RYR3: variants seen among roughly 807,000 people sequenced by gnomAD.
RYR3 encodes the protein ryanodine receptor 3.
Under a neutral mutation model 584.3 loss-of-function variants are expected in RYR3, and 207 were observed. The ratio of observed to expected loss-of-function variants is 0.35; its 90% CI spans 0.32 to 0.40. The LOEUF is 0.40. RYR3 is among the 10% of genes least tolerant of loss of function. The pLI is 1.00. For synonymous variants in RYR3, 2,416 were observed against 2,248.5 expected, an observed-to-expected ratio of 1.07 and a Z score of -2.11; for missense variants, 5,616 against 6,089.2, an observed-to-expected ratio of 0.92 and a Z score of 2.59.
rs570408397 is a variant in RYR3 at position 33,860,953 on chromosome 15, G to A, written c.14365-125G>A. On this transcript the variant is annotated intron_variant, in intron 101 of 103. Transcript: ENST00000634891. ...CAATGTATGGCACTACTGAGTGAAT[G>A]ACTAATAGCCAAAAGCATTAGAAAG... 29 of 723,564 alleles carry A rather than the reference G, an allele frequency of 4.0e-5. No homozygotes were observed. The East Asian group carries it at 8.9e-4, about 22-fold the overall frequency. The allele number at this position is 723,564 out of a possible 1,614,324, so 44.8% of individuals were successfully genotyped here. A position where few individuals can be genotyped will look rare whatever the true frequency, so the allele number is the denominator to read the frequency against.
chr15:33,465,600 T>C, intron 1 of RYR3: 3 of 443,400 alleles, frequency 6.8e-6, no homozygotes, highest in South Asian at 5.3e-5. Context: ...TTAAGTAAGA[T>C]GGAAAGTGAT....
At chr15:33,826,641 C>T (rs1405782510) in intron 83 of RYR3, 31 bp from the exon 84 acceptor site, 2 of 1,563,064 alleles carry the variant, frequency 1.3e-6, no homozygotes, top group Non-Finnish European at 1.8e-6. Context: ...AGAAGCCAAA[C>T]CAATGCTCAT....
chr15:33,542,920 A>C lies in RYR3; in HGVS notation c.647-702A>C, dbSNP rs371071462. Among the ~76,000 whole-genome samples the C allele has an allele frequency of 3.7e-3, 570 of 152,240 alleles. 4 individuals are homozygous for C. Among genetic ancestry groups the C allele is most frequent in the African/African-American group, 0.013 (541 of 41,552 alleles). On this transcript the variant is annotated intron_variant, in intron 7 of 103. Coordinates refer to ENST00000634891, the MANE Select transcript of RYR3 (RefSeq NM_001036.6). ...GAATTAAGGTTCAGCATTTATTTGAAGACAAATGGGTCATCATGTCTTTGA... is the reference window on the plus strand; with the variant it reads ...GAATTAAGGTTCAGCATTTATTTGACGACAAATGGGTCATCATGTCTTTGA...
At chr15:33,604,173 C>A (rs545411961) in intron 18 of RYR3, among the ~76,000 whole-genome samples, 1 of 152,372 alleles carries the variant, frequency 6.6e-6, no homozygotes, top group Admixed American at 6.5e-5. Flanking sequence ...CTTACGTAAG[C>A]ATTGTGCCGT....
chr15:33,651,175 T>C lies in RYR3; in HGVS notation c.4143-1543T>C, dbSNP rs1219516176. On this transcript the variant is annotated intron_variant, in intron 31 of 103. Coordinates refer to ENST00000634891, the MANE Select transcript of RYR3 (RefSeq NM_001036.6). ...ACACATTCAATAATTCTTACTTCTTTGTCCTATGTAATAAGAAATAAATAC... is the reference window on the plus strand; with the variant it reads ...ACACATTCAATAATTCTTACTTCTTCGTCCTATGTAATAAGAAATAAATAC... Among the ~76,000 whole-genome samples the C allele has an allele frequency of 2.6e-5, 4 of 152,254 alleles. No homozygotes were observed. In the East Asian group the frequency reaches 7.7e-4, roughly 29 times the overall value.
At chr15:33,861,454 ACTT>A (rs1248302018) in intron 102 of RYR3, among the ~76,000 whole-genome samples, 6 of 150,180 alleles carry the variant, frequency 4.0e-5, no homozygotes, top group East Asian at 2.0e-4. Flanking sequence ...TCTCTACTGG[ACTT>A]CTTCTATCAC....
intron 69 of RYR3, among the ~76,000 whole-genome samples, chr15:33,805,727 TC>T (rs2076169190): frequency 3.8e-5 from 1 of 26,470 alleles, no homozygotes; most frequent in African/African-American, 3.5e-4. Context: ...TCCGCCCGCC[TC>T]GGCCTCCCAA....
At chr15:33,341,319 A>G (rs1218785761) in intron 1 of RYR3, among the ~76,000 whole-genome samples, 2 of 152,102 alleles carry the variant, frequency 1.3e-5, no homozygotes, top group Admixed American at 6.5e-5. Context: ...GATTACAGGC[A>G]TGAGCCACTG....
chr15:33,427,900 C>T (rs895222968), intron 1 of RYR3, among the ~76,000 whole-genome samples: 5 of 152,230 alleles, frequency 3.3e-5, no homozygotes, highest in African/African-American at 9.6e-5. Context: ...TAGCAAAGGG[C>T]AGGCCTTAAG....
intron 1 of RYR3, among the ~76,000 whole-genome samples, chr15:33,435,432 G>A (rs1054763475): frequency 2.0e-5 from 3 of 152,176 alleles, no homozygotes; most frequent in South Asian, 4.2e-4. Context: ...CTTTTTTCCA[G>A]TCAGTGTATA....
At chr15:33,323,174 C>T (rs1378024270) in intron 1 of RYR3, among the ~76,000 whole-genome samples, 2 of 152,026 alleles carry the variant, frequency 1.3e-5, no homozygotes, top group Non-Finnish European at 2.9e-5. Context: ...TGCAGTGGCA[C>T]GATCTCTGCT....
intron 98 of RYR3, 109 bp from the exon 99 acceptor site, chr15:33,857,671 C>G (rs1176124753): frequency 8.5e-6 from 12 of 1,408,292 alleles, no homozygotes; most frequent in Admixed American, 7.9e-5. Flanking sequence ...CCCATTTCCT[C>G]TCCTTGCCCG....
At chr15:33,860,559 A>G (rs746584698) in intron 100 of RYR3, 36 bp from the exon 101 acceptor site, 133 of 1,380,748 alleles carry the variant, frequency 9.6e-5, no homozygotes, top group Non-Finnish European at 1.3e-4. Flanking sequence ...CTGAACCACT[A>G]CACAGATTGC....
chr15:33,836,099 G>GTTGGGTT (rs945349483), intron 87 of RYR3, among the ~76,000 whole-genome samples: 6 of 147,264 alleles, frequency 4.1e-5, no homozygotes, highest in African/African-American at 1.5e-4. Context: ...AAGAGCTATG[G>GTTGGGTT]TTGGGTTTTT....
At chr15:33,477,523 G>C (rs1318426598) in intron 2 of RYR3, among the ~76,000 whole-genome samples, 1 of 144,110 alleles carries the variant, frequency 6.9e-6, no homozygotes, top group Non-Finnish European at 1.5e-5. Flanking sequence ...CTATTATTCA[G>C]CTCCCTTTCA....
At chr15:33,446,525 A>T (rs1407263759) in intron 1 of RYR3, among the ~76,000 whole-genome samples, 1 of 152,150 alleles carries the variant, frequency 6.6e-6, no homozygotes, top group Non-Finnish European at 1.5e-5. Flanking sequence ...CTTGTAGATG[A>T]TGACTGTCTT....
intron 67 of RYR3, among the ~76,000 whole-genome samples, chr15:33,796,425 C>T (rs757063525): frequency 2.6e-5 from 4 of 151,698 alleles, no homozygotes; most frequent in African/African-American, 9.8e-5. Flanking sequence ...TGAGCCACCG[C>T]GACCAGCCCC....
chr15:33,747,465 C>T (rs901237733), intron 53 of RYR3, among the ~76,000 whole-genome samples: 1 of 145,004 alleles, frequency 6.9e-6, no homozygotes, highest in Non-Finnish European at 1.5e-5. Context: ...ACTGTTGTCA[C>T]CCAGGCTAGA....
rs1248106643 is a variant in RYR3 at position 33,601,410 on chromosome 15, C to G, written c.1789-9C>G. 3 of 1,611,310 alleles carry G rather than the reference C, an allele frequency of 1.9e-6. No individual in the cohort carries two copies. The highest frequency in any genetic ancestry group is 1.7e-5 in the Admixed American group (1 of 59,742). ...GGTCCTAAGGTTTGGTGGGTGTGTC[C>G]TGCTGCAGGTTCTGGATATCCTGTG... On this transcript the variant is annotated splice_polypyrimidine_tract_variant and intron_variant, in intron 16 of 103. Coordinates refer to ENST00000634891, the MANE Select transcript of RYR3 (RefSeq NM_001036.6).
Sources: gnomAD v4.1 joint callset for allele counts (sites outside exome capture counted in the v4.1 genomes callset) on GRCh38, gnomAD v4.1.1 for gene constraint, MANE v1.5 for transcripts, NCBI Gene and HGNC (gene_info 2026-07-23, HGNC 2026-07-21) for gene names.